PDE4D: variants seen among roughly 807,000 people sequenced by gnomAD.
PDE4D encodes the protein phosphodiesterase 4D.
Under a neutral mutation model 87.4 loss-of-function variants are expected in PDE4D, and 24 were observed. The ratio of observed to expected loss-of-function variants is 0.27; its 90% CI spans 0.20 to 0.39. PDE4D has a LOEUF of 0.39. PDE4D is among the 10% of genes least tolerant of loss of function. The pLI, the probability that PDE4D is intolerant of heterozygous loss-of-function variation, is 1.00. For synonymous variants in PDE4D, 384 were observed against 383.2 expected, an observed-to-expected ratio of 1.00 and a Z score of -0.02; for missense variants, 714 against 1,041.0, an observed-to-expected ratio of 0.69 and a Z score of 4.32.
intron 1 of PDE4D, among the ~76,000 whole-genome samples, chr5:59,863,476 A>G (rs1561783835): frequency 6.6e-6 from 1 of 152,222 alleles, no homozygotes. Context: ...AAAAATCATG[A>G]AATAGAAAAT....
intron 6 of PDE4D, among the ~76,000 whole-genome samples, chr5:59,036,488 T>C (rs1201420736): frequency 6.6e-6 from 1 of 152,206 alleles, no homozygotes; most frequent in Admixed American, 6.5e-5. Flanking sequence ...GCTGTACACA[T>C]TTCCAGTTCA....
chr5:59,051,747 C>A (rs921098674), intron 5 of PDE4D, among the ~76,000 whole-genome samples: 1 of 152,204 alleles, frequency 6.6e-6, no homozygotes. Flanking sequence ...CAACTATCAC[C>A]TCTTGAAGAA....
chr5:60,382,506 G>A (rs1293185664), intron 1 of PDE4D, among the ~76,000 whole-genome samples: 1 of 152,032 alleles, frequency 6.6e-6, no homozygotes, highest in East Asian at 1.9e-4. Context: ...TCCTCCAGAG[G>A]TGATTTTTTA....
At chr5:59,509,679 A>G (rs1473815682) in intron 1 of PDE4D, among the ~76,000 whole-genome samples, 1 of 150,930 alleles carries the variant, frequency 6.6e-6, no homozygotes, top group Non-Finnish European at 1.5e-5. Context: ...TAGAGTTTAA[A>G]ACTTACAAAC....
intron 1 of PDE4D, among the ~76,000 whole-genome samples, chr5:60,267,917 G>A (rs780023775): frequency 2.6e-5 from 4 of 152,142 alleles, no homozygotes; most frequent in African/African-American, 4.8e-5. Flanking sequence ...ACTCTTCCAC[G>A]TTCATTCCCA....
In PDE4D at chr5:59,574,031, AAT is replaced by A. The variant is rs1226423925; in HGVS notation, c.455+319135_455+319136del. Reference sequence around the variant, plus strand: ...ATATATATATATATATATATATAAAAATATATATTTATATATATTTATATATA... The same window carrying A: ...ATATATATATATATATATATATAAAAATATATTTATATATATTTATATATA... On this transcript the variant is annotated intron_variant, in intron 1 of 14. Coordinates refer to ENST00000340635, the MANE Select transcript of PDE4D (RefSeq NM_001104631.2). 1.9e-3 allele frequency among the ~76,000 whole-genome samples: 194 copies of A among 104,718 alleles called. 9 individuals are homozygous for A. Among genetic ancestry groups the A allele is most frequent in the African/African-American group, 7.4e-3 (181 of 24,298 alleles). The allele number at this position is 104,718 out of a possible 152,430, so 68.7% of individuals were successfully genotyped here.
At position 59,567,498 on chromosome 5, in the gene PDE4D, A is replaced by G. The variant is rs56965779; in HGVS notation, c.455+325670T>C. 7.8e-3 allele frequency among the ~76,000 whole-genome samples: 1,187 copies of G among 152,314 alleles called. 13 individuals are homozygous for G. Among genetic ancestry groups the G allele is most frequent in the African/African-American group, 0.026 (1,099 of 41,566 alleles). On this transcript the variant is annotated intron_variant, in intron 1 of 14. Coordinates refer to ENST00000340635, the MANE Select transcript of PDE4D (RefSeq NM_001104631.2). Reference sequence around the variant, plus strand: ...ACTTAAATTGTGGAATTATCTGAGAATTTCCATTATCCATGTCCCAAGTTA... The same window carrying G: ...ACTTAAATTGTGGAATTATCTGAGAGTTTCCATTATCCATGTCCCAAGTTA...
intron 1 of PDE4D, among the ~76,000 whole-genome samples, chr5:59,362,626 T>C (rs1481575370): frequency 6.6e-6 from 1 of 152,152 alleles, no homozygotes; most frequent in Admixed American, 6.6e-5. Flanking sequence ...TTTGAAAACT[T>C]ATGGGATCCT....
chr5:60,015,597 G>T (rs2152848091), intron 2 of PDE4D, among the ~76,000 whole-genome samples: 1 of 152,164 alleles, frequency 6.6e-6, no homozygotes. Flanking sequence ...CATGGTACTT[G>T]GATATTTGGT....
chr5:60,020,204 T>C (rs1317576706), intron 2 of PDE4D, among the ~76,000 whole-genome samples: 1 of 152,130 alleles, frequency 6.6e-6, no homozygotes, highest in Non-Finnish European at 1.5e-5. Context: ...TTCACAATCT[T>C]ATATAGGCAT....
intron 1 of PDE4D, among the ~76,000 whole-genome samples, chr5:59,672,555 A>C (rs1398704186): frequency 6.6e-6 from 1 of 152,152 alleles, no homozygotes; most frequent in African/African-American, 2.4e-5. Flanking sequence ...CACTCAATTA[A>C]ATTCATCACC....
At chr5:59,870,336 GCTCT>G (rs563200329) in intron 1 of PDE4D, among the ~76,000 whole-genome samples, 523 of 152,176 alleles carry the variant, frequency 3.4e-3, no homozygotes, top group Middle Eastern at 0.01. Flanking sequence ...TATTTCATAA[GCTCT>G]CTCTAATTCT....
chr5:59,219,225 T>C (rs191873246), intron 1 of PDE4D, among the ~76,000 whole-genome samples: 135 of 151,922 alleles, frequency 8.9e-4, no homozygotes, highest in Non-Finnish European at 1.6e-3. Flanking sequence ...AAAAAAATAC[T>C]TGAGAAGACT....
At chr5:60,511,695 A>G (rs1019657935) in intron 1 of PDE4D, among the ~76,000 whole-genome samples, 1 of 151,988 alleles carries the variant, frequency 6.6e-6, no homozygotes, top group African/African-American at 2.4e-5. Context: ...AGGATACACA[A>G]CTAGTAAGGA....
At chr5:59,531,759 G>A (rs1263367502) in intron 1 of PDE4D, among the ~76,000 whole-genome samples, 1 of 152,156 alleles carries the variant, frequency 6.6e-6, no homozygotes, top group Admixed American at 6.5e-5. Context: ...TTGCTTAGAA[G>A]GACTTGTGTG....
chr5:58,970,848 AG>A lies in PDE4D; in HGVS notation c.*3815del. ...TAGAAGCCAAAAGGACTTAAAAAAA[AG>A]AAAAAGATTGTTTATAATCACTGGG... On this transcript the variant is annotated 3_prime_UTR_variant, in exon 15 of 15. Transcript: ENST00000340635. The A allele has an allele frequency of 6.6e-6, 1 of 152,144 alleles. No homozygotes were observed. Among genetic ancestry groups the A allele is most frequent in the Non-Finnish European group, 1.5e-5 (1 of 68,018 alleles). 9.4% of individuals were successfully genotyped at this position (152,144 alleles called of 1,614,324 possible).
intron 1 of PDE4D, chr5:59,430,342 G>T (rs972591081): frequency 5.7e-6 from 7 of 1,231,182 alleles, no homozygotes; most frequent in Non-Finnish European, 7.1e-6. Context: ...CGCGTATGGT[G>T]ATCCATGAAC....
chr5:59,837,379 G>T (rs920282530), intron 1 of PDE4D, among the ~76,000 whole-genome samples: 4 of 151,946 alleles, frequency 2.6e-5, no homozygotes, highest in African/African-American at 4.8e-5. Flanking sequence ...ACTGTTTTAG[G>T]TGTTGACATT....
chr5:60,336,157 C>A (rs770222448), intron 1 of PDE4D, among the ~76,000 whole-genome samples: 2 of 152,248 alleles, frequency 1.3e-5, no homozygotes, highest in Admixed American at 1.3e-4. Flanking sequence ...AAAGGTAAGA[C>A]TTATGGTAGT....
Sources: gnomAD v4.1 joint callset for allele counts (sites outside exome capture counted in the v4.1 genomes callset) on GRCh38, gnomAD v4.1.1 for gene constraint, MANE v1.5 for transcripts, NCBI Gene and HGNC (gene_info 2026-07-23, HGNC 2026-07-21) for gene names.